The following CCHCR1 variants were observed in gnomAD, a reference collection of about 807,000 sequenced individuals.
The protein encoded by CCHCR1 is HCR (a-helix coiled-coil rod homologue).
In CCHCR1, 91 loss-of-function variants were observed where a neutral mutation model predicts 114.6. That is an observed-to-expected ratio of 0.79 (90% CI 0.67 to 0.94). The LOEUF is 0.94. Among genes scored for constraint, CCHCR1 ranks in the 40% least tolerant of loss-of-function variants. The probability of loss-of-function intolerance (pLI) is 0.00; values close to 1 mark genes in which losing one functional copy is unlikely to be tolerated. For missense variants in CCHCR1, 899 were observed against 1,079.9 expected (o/e 0.83, Z 2.35); for synonymous variants, 379 against 428.5 (o/e 0.88, Z 1.43).
In CCHCR1 at chr6:31,144,572, AC is replaced by A. The variant is rs1774025838; in HGVS notation, c.2167+114del. ...TAATTCATCTGTGCTACTCCTGGAT[AC>A]CTTCATTACTTCCTGTAATGAAGCT... On this transcript the variant is annotated intron_variant, in intron 15 of 17. Coordinates refer to ENST00000396268, the MANE Select transcript of CCHCR1 (RefSeq NM_001105564.2). This position sits in a 1 kb window ranked among gnomAD's most constrained non-coding sequence, Gnocchi z 4.6. 1 of 694,160 alleles carries A rather than the reference AC, an allele frequency of 1.4e-6. No homozygotes were observed. The highest frequency in any genetic ancestry group is 2.3e-5 in the Admixed American group (1 of 43,208). The allele number at this position is 694,160 out of a possible 1,614,324, so 43.0% of individuals were successfully genotyped here.
chr6:31,150,756 A>G lies in CCHCR1; in HGVS notation c.1070T>C (p.Leu357Pro). ...PSEVHSQTWE[L>P]ERQKLLETMQ... is the part of the protein sequence containing the mutation. Reference sequence around the variant, plus strand: ...GGTTTCCAGAAGCTTCTGTCGCTCCAGTTCCCATGTCTGGCTGTGGACCTC... The same window carrying G: ...GGTTTCCAGAAGCTTCTGTCGCTCCGGTTCCCATGTCTGGCTGTGGACCTC... Residue 357 changes from leucine (L) to proline (P), a missense_variant, in exon 6 of 18, where the codon CTG becomes CCG. Transcript: ENST00000396268. The surrounding 1 kb of genome is among the most constrained non-coding windows in gnomAD (Gnocchi z 5.3). The G allele has an allele frequency of 2.5e-6, 4 of 1,613,014 alleles. No individual in the cohort carries two copies. Among genetic ancestry groups the G allele is most frequent in the Non-Finnish European group, 3.4e-6 (4 of 1,180,000 alleles).
At position 31,145,822 on chromosome 6, in the gene CCHCR1, A is replaced by C; in HGVS notation, c.1581-14T>G. 6.5e-7 allele frequency: 1 copy of C among 1,532,928 alleles called. No individual in the cohort carries two copies. The highest frequency in any genetic ancestry group is 9.0e-7 in the Non-Finnish European group (1 of 1,106,964). 95.0% of individuals were successfully genotyped at this position (1,532,928 alleles called of 1,614,324 possible). A position where few individuals can be genotyped will look rare whatever the true frequency, so the allele number is the denominator to read the frequency against. ...CAGATCTGAGAGCTGGAGAGGGCACAAGTCACTGATCCTCCATGCCTCCCC... is the reference window on the plus strand; with the variant it reads ...CAGATCTGAGAGCTGGAGAGGGCACCAGTCACTGATCCTCCATGCCTCCCC... On this transcript the variant is annotated splice_polypyrimidine_tract_variant and intron_variant, in intron 10 of 17. Transcript: ENST00000396268.
At chr6:31,156,550 G>C in intron 3 of CCHCR1, 181 bp downstream of exon 3, 2 of 571,316 alleles carry the variant, frequency 3.5e-6, no homozygotes, top group Non-Finnish European at 6.1e-6. Context: ...ATTCACTATT[G>C]TTATCCTCAT....
At chr6:31,155,602 T>C (rs866748229) in intron 3 of CCHCR1, among the ~76,000 whole-genome samples, 1 of 16,272 alleles carries the variant, frequency 6.1e-5, no homozygotes, top group Non-Finnish European at 1.4e-4. Context: ...AGACTCCATC[T>C]CAAAAAAAAG....
chr6:31,157,310 T>G, intron 1 of CCHCR1, 75 bp downstream of exon 1: 1 of 1,327,544 alleles, frequency 7.5e-7, no homozygotes, highest in Non-Finnish European at 1.1e-6. Flanking sequence ...GTGGAGAGAA[T>G]TTACTGAAAG....
chr6:31,144,436 A>G lies in CCHCR1; in HGVS notation c.2167+251T>C, dbSNP rs9263741. 9.5e-6 allele frequency: 4 copies of G among 422,452 alleles called. No individual in the cohort carries two copies. Among genetic ancestry groups the G allele is most frequent in the Non-Finnish European group, 1.7e-5 (4 of 239,524 alleles). 26.2% of individuals were successfully genotyped at this position (422,452 alleles called of 1,614,324 possible). A position where few individuals can be genotyped will look rare whatever the true frequency, so the allele number is the denominator to read the frequency against. On this transcript the variant is annotated intron_variant, in intron 15 of 17. Transcript: ENST00000396268. This position sits in a 1 kb window ranked among gnomAD's most constrained non-coding sequence, Gnocchi z 4.6. The stretch of plus-strand genomic sequence containing the variant: ...CCTCAAACTCCTGACCTCAGGTGAT[A>G]CACCCACCTCGGCCTCCCAAAGTGC...
At chr6:31,156,990 C>G (rs896585674) in intron 2 of CCHCR1, 33 bp downstream of exon 2, 10 of 1,611,670 alleles carry the variant, frequency 6.2e-6, no homozygotes, top group Non-Finnish European at 8.5e-6. Context: ...CAGGCAGAGA[C>G]AACCACCACT....
At chr6:31,146,163 T>C (rs746646) in intron 10 of CCHCR1, among the ~76,000 whole-genome samples, 42,634 of 151,732 alleles carry the variant, frequency 0.28, 6,173 homozygotes, top group Middle Eastern at 0.41. Flanking sequence ...CTGGCCAACA[T>C]GGTGAAACTC....
At chr6:31,153,059 CCT>C (rs199851172) in intron 4 of CCHCR1, among the ~76,000 whole-genome samples, 2,051 of 152,220 alleles carry the variant, frequency 0.013, 24 homozygotes, top group Middle Eastern at 0.048. Flanking sequence ...CTCACTGTAA[CCT>C]CTGTCTCCCA....
At chr6:31,155,736 A>G (rs1561827351) in intron 3 of CCHCR1, among the ~76,000 whole-genome samples, 1 of 152,208 alleles carries the variant, frequency 6.6e-6, no homozygotes, top group Non-Finnish European at 1.5e-5. Context: ...AGCTTGGAAC[A>G]TGGCTCCTGA....
At chr6:31,145,098 G>T in intron 13 of CCHCR1, 25 bp from the exon 14 acceptor site, 1 of 1,601,076 alleles carries the variant, frequency 6.2e-7, no homozygotes, top group Non-Finnish European at 8.5e-7. Context: ...TGCTGGGTCA[G>T]GCCTCTCCCA....
rs145216618 is a variant in CCHCR1, at chr6:31,156,774, G to T, written c.454C>A (p.Arg152=). Residue 152 remains arginine (R), a synonymous_variant, in exon 3 of 18, where the codon CGG becomes AGG. Coordinates refer to ENST00000396268, the MANE Select transcript of CCHCR1 (RefSeq NM_001105564.2). ...TQRPQVTMWE[R]DVSSDRQEPG... is the part of the protein sequence containing the mutation. ...TCCTGCCTGTCACTGGAAACATCCCGTTCCCACATGGTCACTTGAGGTCTC... is the reference window on the plus strand; with the variant it reads ...TCCTGCCTGTCACTGGAAACATCCCTTTCCCACATGGTCACTTGAGGTCTC... 3.1e-6 allele frequency: 5 copies of T among 1,612,654 alleles called. No individual in the cohort carries two copies. The highest frequency in any genetic ancestry group is 4.2e-6 in the Non-Finnish European group (5 of 1,179,998).
intron 4 of CCHCR1, among the ~76,000 whole-genome samples, chr6:31,153,484 T>C (rs1775552549): frequency 6.6e-6 from 1 of 152,192 alleles, no homozygotes; most frequent in Non-Finnish European, 1.5e-5. Context: ...ATTTTTTCCT[T>C]TATGGCTTCT....
Position 31,142,462 on chromosome 6 carries a change from A to T in CCHCR1, c.*130T>A. On this transcript the variant is annotated 3_prime_UTR_variant, in exon 18 of 18. Coordinates refer to ENST00000396268, the MANE Select transcript of CCHCR1 (RefSeq NM_001105564.2). ...GCTCCTTCTGTAGTCGTCTTTATTT[A>T]GAGCAGAATTCAGACTCAGCTGGTA... 1.4e-6 allele frequency: 1 copy of T among 737,958 alleles called. No individual in the cohort carries two copies. Among genetic ancestry groups the T allele is most frequent in the Non-Finnish European group, 2.2e-6 (1 of 449,706 alleles). 45.7% of individuals were successfully genotyped at this position (737,958 alleles called of 1,614,324 possible). A position where few individuals can be genotyped will look rare whatever the true frequency, so the allele number is the denominator to read the frequency against.
Position 31,150,257 on chromosome 6 carries a change from G to A in CCHCR1, c.1213-42C>T, listed in dbSNP as rs1306074461. On this transcript the variant is annotated intron_variant, in intron 7 of 17. Coordinates refer to ENST00000396268, the MANE Select transcript of CCHCR1 (RefSeq NM_001105564.2). This position sits in a 1 kb window ranked among gnomAD's most constrained non-coding sequence, Gnocchi z 5.3. ...GGGAGAAAAGTGTGGGCTCCTGGGG[G>A]AGGAGAGGAAGGAGGTGGCATCTTT... 4 of 1,604,220 alleles carry A rather than the reference G, an allele frequency of 2.5e-6. No individual in the cohort carries two copies. Among genetic ancestry groups the A allele is most frequent in the African/African-American group, 1.3e-5 (1 of 74,842 alleles).
In CCHCR1 at chr6:31,148,681, G is replaced by A; in HGVS notation, c.1410C>T (p.Ala470=). ...EKVTSQSQEQ[A]ILQRSLQDKA... The stretch of plus-strand genomic sequence containing the variant: ...TGTCCTGCAGGGATCGCTGCAGGAT[G>A]GCCTGCTCCTGGCTCTGGGATGTCA... Residue 470 remains alanine, a synonymous_variant, in exon 9 of 18, where the codon GCC becomes GCT. Coordinates refer to ENST00000396268, the MANE Select transcript of CCHCR1 (RefSeq NM_001105564.2). The A allele has an allele frequency of 6.2e-7, 1 of 1,612,930 alleles. No individual in the cohort carries two copies. Among genetic ancestry groups the A allele is most frequent in the Non-Finnish European group, 8.5e-7 (1 of 1,179,940 alleles).
intron 10 of CCHCR1, 23 bp downstream of exon 10, chr6:31,148,382 A>T: frequency 7.2e-7 from 1 of 1,395,090 alleles, no homozygotes; most frequent in Non-Finnish European, 1.0e-6. Flanking sequence ...ACACTACTCC[A>T]CCCACCCCTC....
At chr6:31,155,467 G>A (rs1775859345) in intron 3 of CCHCR1, among the ~76,000 whole-genome samples, 1 of 152,040 alleles carries the variant, frequency 6.6e-6, no homozygotes, top group Non-Finnish European at 1.5e-5. Context: ...AGCTGGGCAT[G>A]GTGGCAGGTG....
Position 31,157,386 on chromosome 6 carries a change from C to T in CCHCR1, c.215G>A (p.Arg72Lys), listed in dbSNP as rs1320694461. ...SSRDHRNLRR[R>K]GNIDGWRQNL... ...CAGGATTCTGGGCAGTGCCTCTACCCTCCTCCTTAAGTTTCTATGGTCCCT... is the reference window on the plus strand; with the variant it reads ...CAGGATTCTGGGCAGTGCCTCTACCTTCCTCCTTAAGTTTCTATGGTCCCT... The change falls in exon 1 of 18, where the codon AGG (arginine) becomes AAG (lysine). Residue 72 changes from arginine (R) to lysine (K), a missense_variant and splice_region_variant. Arg to Lys is a conservative substitution (Grantham distance 26). Coordinates refer to ENST00000396268, the MANE Select transcript of CCHCR1 (RefSeq NM_001105564.2). 6.2e-7 allele frequency: 1 copy of T among 1,611,472 alleles called. No individual in the cohort carries two copies. Among genetic ancestry groups the T allele is most frequent in the South Asian group, 1.1e-5 (1 of 91,050 alleles).
Sources: gnomAD v4.1 joint callset for allele counts (sites outside exome capture counted in the v4.1 genomes callset) on GRCh38, gnomAD v4.1.1 for gene constraint, Gnocchi (gnomAD v3.1) non-coding constraint, MANE v1.5 for transcripts, NCBI Gene and HGNC (gene_info 2026-07-23, HGNC 2026-07-21) for gene names.